The following PRKN variants were observed in gnomAD, a reference collection of about 807,000 sequenced individuals.
PRKN encodes the protein parkin RBR E3 ubiquitin protein ligase, also known as E3 ubiquitin-protein ligase parkin.
PRKN carries 56 observed loss-of-function variants against 59.5 expected under a neutral mutation model. The observed-to-expected ratio is 0.94, with a 90% confidence interval of 0.76 to 1.18. PRKN has a LOEUF of 1.18. Ranked by LOEUF, PRKN falls within the 50% of genes most tolerant of loss-of-function variation. The pLI is 0.00. For missense variants in PRKN, 657 were observed against 596.4 expected (o/e 1.10, Z -1.06); for synonymous variants, 250 against 222.1 (o/e 1.13, Z -1.12).
At position 161,430,814 on chromosome 6, in the gene PRKN, CAAAAAAAAA is replaced by C. The variant is rs35611748; in HGVS notation, c.1084-43946_1084-43938del. On this transcript the variant is annotated intron_variant, in intron 9 of 11. Transcript: ENST00000366898. ...TGGGCAACACAGCCAGACTCCGTCTCAAAAAAAAAAAAAAAAAAAAAAAAGAAATACTGA... is the reference window on the plus strand; with the variant it reads ...TGGGCAACACAGCCAGACTCCGTCTCAAAAAAAAAAAAAAAGAAATACTGA... Among the ~76,000 whole-genome samples, 6 of 58,332 alleles carry C rather than the reference CAAAAAAAAA, an allele frequency of 1.0e-4. No individual in the cohort carries two copies. The South Asian group carries it at 3.3e-3, about 32-fold the overall frequency. The allele number at this position is 58,332 out of a possible 152,430, so 38.3% of individuals were successfully genotyped here.
intron 7 of PRKN, among the ~76,000 whole-genome samples, chr6:161,625,595 T>G (rs1256870765): frequency 6.6e-6 from 1 of 152,130 alleles, no homozygotes; most frequent in East Asian, 1.9e-4. Context: ...AAGTAGATGA[T>G]TTCTCAATTA....
At chr6:161,752,535 A>C (rs188151126) in intron 7 of PRKN, among the ~76,000 whole-genome samples, 1 of 152,098 alleles carries the variant, frequency 6.6e-6, no homozygotes, top group Non-Finnish European at 1.5e-5. Flanking sequence ...CTGCATAAAA[A>C]TATAACAATT....
At chr6:161,737,750 T>C (rs1476822987) in intron 7 of PRKN, among the ~76,000 whole-genome samples, 2 of 151,974 alleles carry the variant, frequency 1.3e-5, no homozygotes, top group East Asian at 3.9e-4. Context: ...TCCATAAACA[T>C]GGCAGGAAAC....
rs1777893646 is a variant in PRKN, at chr6:161,499,871, T to C, written c.1083+48983A>G. 6.6e-6 allele frequency among the ~76,000 whole-genome samples: 1 copy of C among 152,224 alleles called. No homozygotes were observed. The highest frequency in any genetic ancestry group is 2.4e-5 in the African/African-American group (1 of 41,452). On this transcript the variant is annotated intron_variant, in intron 9 of 11. Coordinates refer to ENST00000366898, the MANE Select transcript of PRKN (RefSeq NM_004562.3). The surrounding 1 kb of genome is among the most constrained non-coding windows in gnomAD (Gnocchi z 4.2). ...TGCCAAAATGCTATGATTTCTGAAATGGTGTCCAGGAATAATACAATGAAT... is the reference window on the plus strand; with the variant it reads ...TGCCAAAATGCTATGATTTCTGAAACGGTGTCCAGGAATAATACAATGAAT...
chr6:162,378,583 T>C (rs1414051659), intron 2 of PRKN, among the ~76,000 whole-genome samples: 3 of 152,250 alleles, frequency 2.0e-5, no homozygotes, highest in African/African-American at 4.8e-5. Flanking sequence ...GTTAGTCTTG[T>C]ATTTTCAGGA....
chr6:162,619,273 G>A (rs974001653), intron 1 of PRKN, among the ~76,000 whole-genome samples: 11 of 151,366 alleles, frequency 7.3e-5, no homozygotes, highest in African/African-American at 2.7e-4. Context: ...CTCCCGAGTA[G>A]CTGGGACTAC....
chr6:161,648,759 AAACTT>A (rs1447455123), intron 7 of PRKN, among the ~76,000 whole-genome samples: 1 of 152,194 alleles, frequency 6.6e-6, no homozygotes, highest in Non-Finnish European at 1.5e-5. Context: ...TCTTTGTACT[AAACTT>A]AAGCATTCAA....
intron 6 of PRKN, among the ~76,000 whole-genome samples, chr6:161,844,812 C>T (rs1793133635): frequency 6.6e-6 from 1 of 152,256 alleles, no homozygotes; most frequent in Non-Finnish European, 1.5e-5. Flanking sequence ...TCGCTTCAGG[C>T]CTGCCTGCCT....
At chr6:161,805,394 A>G (rs1791265049) in intron 6 of PRKN, among the ~76,000 whole-genome samples, 1 of 151,658 alleles carries the variant, frequency 6.6e-6, no homozygotes, top group African/African-American at 2.4e-5. Context: ...GCATCTGAGG[A>G]TGCCATCGAG....
At chr6:161,491,286 G>A (rs993281) in intron 9 of PRKN, among the ~76,000 whole-genome samples, 3,853 of 152,268 alleles carry the variant, frequency 0.025, 156 homozygotes, top group African/African-American at 0.088. Context: ...AAGAAGGATC[G>A]TACTCATTCA....
intron 1 of PRKN, among the ~76,000 whole-genome samples, chr6:162,668,717 C>G (rs1461892016): frequency 6.6e-6 from 1 of 152,200 alleles, no homozygotes; most frequent in African/African-American, 2.4e-5. Context: ...CAGGCTCCCA[C>G]TGTAGCATCC....
At chr6:162,454,027 T>TAC (rs1305664241) in intron 1 of PRKN, among the ~76,000 whole-genome samples, 2 of 152,208 alleles carry the variant, frequency 1.3e-5, no homozygotes, top group African/African-American at 4.8e-5. Context: ...TTATAAGGTA[T>TAC]ACGTTCTCAG....
In PRKN at chr6:162,396,522, G is replaced by A. The variant is rs966295232; in HGVS notation, c.171+46788C>T. 3.9e-5 allele frequency among the ~76,000 whole-genome samples: 6 copies of A among 152,038 alleles called. No individual in the cohort carries two copies. The East Asian group carries it at 5.8e-4, about 15-fold the overall frequency. ...TGGCAACTTGTCATGGTGGAGCCTC[G>A]TGACAAGGACCTTGTCTGTCGCGTT... On this transcript the variant is annotated intron_variant, in intron 2 of 11. Transcript: ENST00000366898.
intron 1 of PRKN, among the ~76,000 whole-genome samples, chr6:162,532,890 GT>G (rs900765610): frequency 3.3e-5 from 5 of 152,312 alleles, no homozygotes; most frequent in African/African-American, 1.2e-4. Context: ...ACTCAATACT[GT>G]TGCCAGAAGC....
At chr6:162,510,547 C>T (rs1777557981) in intron 1 of PRKN, among the ~76,000 whole-genome samples, 1 of 152,122 alleles carries the variant, frequency 6.6e-6, no homozygotes, top group African/African-American at 2.4e-5. Flanking sequence ...AGCTCTGAGC[C>T]CTCCAGGGCC....
At chr6:162,010,396 A>T in intron 5 of PRKN, among the ~76,000 whole-genome samples, 1 of 87,198 alleles carries the variant, frequency 1.1e-5, no homozygotes, top group African/African-American at 5.3e-5. Flanking sequence ...TATATAAATA[A>T]TATACATTTA....
chr6:162,138,147 C>T (rs1357050627), intron 4 of PRKN, among the ~76,000 whole-genome samples: 3 of 152,174 alleles, frequency 2.0e-5, no homozygotes, highest in Non-Finnish European at 2.9e-5. Context: ...TGGAAATTTG[C>T]GGATAGACTA....
rs141448445 is a variant in PRKN at position 161,457,544 on chromosome 6, C to T, written c.1084-70667G>A. 1.6e-4 allele frequency among the ~76,000 whole-genome samples: 25 copies of T among 152,266 alleles called. No individual in the cohort carries two copies. The East Asian group carries it at 4.6e-3, about 28-fold the overall frequency. On this transcript the variant is annotated intron_variant, in intron 9 of 11. Coordinates refer to ENST00000366898, the MANE Select transcript of PRKN (RefSeq NM_004562.3). The surrounding 1 kb of genome is among the most constrained non-coding windows in gnomAD (Gnocchi z 5.0). ...TACAGTGCCTAGAACAATGATAAGA[C>T]ATGACTGCTGAATGTGTGGATAGAT... is the stretch of plus-strand genomic sequence containing the variant.
At chr6:161,420,876 G>A (rs1323480202) in intron 9 of PRKN, among the ~76,000 whole-genome samples, 2 of 152,096 alleles carry the variant, frequency 1.3e-5, no homozygotes, top group Non-Finnish European at 2.9e-5. Flanking sequence ...AGAATTTGCC[G>A]GGCTGCTGGA....
Sources: gnomAD v4.1 joint callset for allele counts (sites outside exome capture counted in the v4.1 genomes callset) on GRCh38, gnomAD v4.1.1 for gene constraint, Gnocchi (gnomAD v3.1) non-coding constraint, MANE v1.5 for transcripts, NCBI Gene and HGNC (gene_info 2026-07-23, HGNC 2026-07-21) for gene names.